FAM199X: variants seen among roughly 807,000 people sequenced by gnomAD.
FAM199X encodes family with sequence similarity 199, X-linked.
Under a neutral mutation model 22.9 loss-of-function variants are expected in FAM199X, and 4 were observed. The ratio of observed to expected loss-of-function variants is 0.17; its 90% CI spans 0.09 to 0.40. FAM199X has a LOEUF of 0.40. FAM199X is among the 10% of genes least tolerant of loss of function. The probability of loss-of-function intolerance (pLI) is 1.00; values close to 1 mark genes in which losing one functional copy is unlikely to be tolerated. For synonymous variants in FAM199X, 101 were observed against 112.3 expected (o/e 0.90, Z 0.64); for missense variants, 183 against 306.8 (o/e 0.60, Z 3.01).
intron 1 of FAM199X, among the ~76,000 whole-genome samples, chrX:104,172,050 CTTTGTT>C (rs1239514014): frequency 9.0e-6 from 1 of 110,800 alleles, no homozygotes; most frequent in Non-Finnish European, 1.9e-5. Context: ...GTACTTCCTA[CTTTGTT>C]TTTATCTATA....
chrX:104,188,804 T>C (rs1302232182), intron 5 of FAM199X, among the ~76,000 whole-genome samples: 2 of 48,820 alleles, frequency 4.1e-5, no homozygotes, highest in African/African-American at 1.7e-4. Context: ...CTGTATAATA[T>C]TGTCGGGCAC....
At position 104,188,107 on chromosome X, in the gene FAM199X, A is replaced by C; in HGVS notation, c.797A>C (p.Asn266Thr). 1 of 1,211,836 alleles carries C rather than the reference A, an allele frequency of 8.3e-7. No homozygotes were observed. Among genetic ancestry groups the C allele is most frequent in the Non-Finnish European group, 1.1e-6 (1 of 895,541 alleles). The change falls in exon 5 of 6, where the codon AAC becomes ACC. Residue 266 changes from asparagine to threonine, a missense_variant. Transcript: ENST00000493442. Reference protein sequence around the residue: ...RPAREAWKRSNFSCASTSGVS... With the variant: ...RPAREAWKRSTFSCASTSGVS... Reference sequence around the variant, plus strand: ...GCAAGAGAGGCCTGGAAGAGAAGCAACTTTAGTTGTGCAAGCACCAGTGGA... The same window carrying C: ...GCAAGAGAGGCCTGGAAGAGAAGCACCTTTAGTTGTGCAAGCACCAGTGGA...
At chrX:104,173,378 TCTA>T (rs1921407112) in intron 1 of FAM199X, among the ~76,000 whole-genome samples, 1 of 111,953 alleles carries the variant, frequency 8.9e-6, no homozygotes, top group African/African-American at 3.2e-5. Context: ...TTTATTGACA[TCTA>T]CTTTCTATTT....
At chrX:104,189,129 T>C (rs1556379779) in intron 5 of FAM199X, among the ~76,000 whole-genome samples, 1 of 107,217 alleles carries the variant, frequency 9.3e-6, no homozygotes. Context: ...TTTAAGATGG[T>C]ATTCGCCTAC....
Position 104,190,111 on chromosome X carries a change from A to G in FAM199X, c.*333A>G, listed in dbSNP as rs781886942. ...CTTTGGGTAAACGTTTTGACTGTTT[A>G]AAGTTTATGGCGGTGAAGTGGGCGT... On this transcript the variant is annotated 3_prime_UTR_variant, in exon 6 of 6. Transcript: ENST00000493442. 84 of 177,963 alleles carry G rather than the reference A, an allele frequency of 4.7e-4. No individual in the cohort carries two copies. The highest frequency in any genetic ancestry group is 7.1e-4 in the Non-Finnish European group (68 of 95,902). The allele number at this position is 177,963 out of a possible 1,213,427, so 14.7% of individuals were successfully genotyped here. A position where few individuals can be genotyped will look rare whatever the true frequency, so the allele number is the denominator to read the frequency against.
Position 104,189,879 on chromosome X carries a change from G to A in FAM199X, c.*101G>A, listed in dbSNP as rs898860649. ...AAATTTTGGTTAGGGCTGTGCTGAT[G>A]TACCATTAATAATTTAAGCCAGTGG... On this transcript the variant is annotated 3_prime_UTR_variant, in exon 6 of 6. Coordinates refer to ENST00000493442, the MANE Select transcript of FAM199X (RefSeq NM_207318.4). 26 of 823,823 alleles carry A rather than the reference G, an allele frequency of 3.2e-5. No individual in the cohort carries two copies. Among genetic ancestry groups the A allele is most frequent in the Non-Finnish European group, 4.1e-5 (24 of 581,849 alleles). The allele number at this position is 823,823 out of a possible 1,213,427, so 67.9% of individuals were successfully genotyped here.
rs1244075774 is a variant in FAM199X at position 104,189,565 on chromosome X, C to A, written c.997-43C>A. On this transcript the variant is annotated intron_variant, in intron 5 of 5. Coordinates refer to ENST00000493442, the MANE Select transcript of FAM199X (RefSeq NM_207318.4). ...ACAAAACATTTTGGGGTGGATATGC[C>A]AAAAACTAAACCAAACTGATTTAGA... 6 of 1,199,062 alleles carry A rather than the reference C, an allele frequency of 5.0e-6. No individual in the cohort carries two copies. The East Asian group carries it at 1.5e-4, about 30-fold the overall frequency.
At chrX:104,175,960 G>T (rs1274307510) in intron 2 of FAM199X, 118 bp downstream of exon 2, 1 of 480,882 alleles carries the variant, frequency 2.1e-6, no homozygotes, top group Non-Finnish European at 3.3e-6. Flanking sequence ...TCCAGTCCTG[G>T]AGATTCTCTG....
chrX:104,164,110 T>G (rs1215946605), upstream of FAM199X, among the ~76,000 whole-genome samples: 1 of 112,865 alleles, frequency 8.9e-6, no homozygotes, highest in East Asian at 2.8e-4. Context: ...CAAAGCAAAT[T>G]TACAAATTGT....
chrX:104,179,945 A>C lies in FAM199X; in HGVS notation c.417+4103A>C, dbSNP rs1340860983. Among the ~76,000 whole-genome samples the C allele has an allele frequency of 3.8e-5, 4 of 104,340 alleles. No individual in the cohort carries two copies. In the Admixed American group the frequency reaches 4.1e-4, roughly 11 times the overall value. The allele number at this position is 104,340 out of a possible 115,157, so 90.6% of individuals were successfully genotyped here. On this transcript the variant is annotated intron_variant, in intron 2 of 5. Coordinates refer to ENST00000493442, the MANE Select transcript of FAM199X (RefSeq NM_207318.4). The stretch of plus-strand genomic sequence containing the variant: ...TAAGATTTTCTCATTTAAGATACAA[A>C]CTTTTTCATGATATTGATAATGAAT...
chrX:104,171,180 G>A (rs1369253597), intron 1 of FAM199X, among the ~76,000 whole-genome samples: 1 of 111,144 alleles, frequency 9.0e-6, no homozygotes, highest in African/African-American at 3.3e-5. Flanking sequence ...CGTTTAAATG[G>A]CTGTTTACCA....
the FAM199X span, among the ~76,000 whole-genome samples, chrX:104,157,592 T>C: frequency 8.9e-6 from 1 of 112,239 alleles, no homozygotes; most frequent in African/African-American, 3.2e-5. Flanking sequence ...ATTTCACATG[T>C]GAGGAGCACC....
In FAM199X at chrX:104,166,673, G is replaced by T; in HGVS notation, c.-113G>T. On this transcript the variant is annotated 5_prime_UTR_variant, in exon 1 of 6. Coordinates refer to ENST00000493442, the MANE Select transcript of FAM199X (RefSeq NM_207318.4). ...GACGCCCAGCCTGCCAGTGAGCTGC[G>T]ACGGGCACACCCCGGAGCGTCGGCG... 1 of 677,855 alleles carries T rather than the reference G, an allele frequency of 1.5e-6. No homozygotes were observed. Among genetic ancestry groups the T allele is most frequent in the South Asian group, 3.4e-5 (1 of 29,461 alleles). 55.9% of individuals were successfully genotyped at this position (677,855 alleles called of 1,213,427 possible).
upstream of FAM199X, among the ~76,000 whole-genome samples, chrX:104,165,424 A>AT (rs1556373510): frequency 9.0e-6 from 1 of 111,280 alleles, no homozygotes; most frequent in African/African-American, 3.3e-5. Context: ...GCCTTCTTTC[A>AT]TTTTTCCCCT....
In FAM199X at chrX:104,185,501, ATAAC is replaced by A. The variant is rs1322875001; in HGVS notation, c.418-562_418-559del. Among the ~76,000 whole-genome samples, 3 of 112,394 alleles carry A rather than the reference ATAAC, an allele frequency of 2.7e-5. No individual in the cohort carries two copies. In the Admixed American group the frequency reaches 2.8e-4, roughly 11 times the overall value. On this transcript the variant is annotated intron_variant, in intron 2 of 5. Coordinates refer to ENST00000493442, the MANE Select transcript of FAM199X (RefSeq NM_207318.4). ...GCTTTTCAAAAACATCTTTCATTGA[ATAAC>A]TATATGCAAAGAATATATATTTATA...
chrX:104,167,130 C>T (rs1212407495), intron 1 of FAM199X, 148 bp downstream of exon 1: 18 of 468,058 alleles, frequency 3.8e-5, no homozygotes, highest in Non-Finnish European at 4.9e-5. Context: ...CCCTGCCCCC[C>T]CTCCCTATTT....
chrX:104,167,295 C>T (rs1167200783), intron 1 of FAM199X, among the ~76,000 whole-genome samples: 1 of 104,586 alleles, frequency 9.6e-6, no homozygotes, highest in Non-Finnish European at 2.0e-5. Context: ...AAACCCCCAC[C>T]CTTGATTTTT....
chrX:104,181,729 G>A (rs908516207), intron 2 of FAM199X, among the ~76,000 whole-genome samples: 7 of 111,466 alleles, frequency 6.3e-5, no homozygotes, highest in Non-Finnish European at 1.1e-4. Context: ...GTCCTACTTT[G>A]GATTCTGCCA....
At chrX:104,173,642 C>T (rs935908073) in intron 1 of FAM199X, among the ~76,000 whole-genome samples, 4 of 112,011 alleles carry the variant, frequency 3.6e-5, no homozygotes, top group Non-Finnish European at 7.5e-5. Flanking sequence ...GAAGTCATTA[C>T]TTCAGGAGCT....
Sources: gnomAD v4.1 joint callset for allele counts (sites outside exome capture counted in the v4.1 genomes callset) on GRCh38, gnomAD v4.1.1 for gene constraint, MANE v1.5 for transcripts, NCBI Gene and HGNC (gene_info 2026-07-23, HGNC 2026-07-21) for gene names.